OSBPL9: variants seen among roughly 807,000 people sequenced by gnomAD.
The protein encoded by OSBPL9 is oxysterol-binding protein-related protein 9.
In OSBPL9, 40 loss-of-function variants were observed where a neutral mutation model predicts 106.6. The observed-to-expected ratio is 0.38, with a 90% confidence interval of 0.29 to 0.49. The LOEUF (loss-of-function observed/expected upper bound fraction) is 0.49. Ranked by LOEUF, OSBPL9 falls within the 20% of genes least tolerant of loss-of-function variation. OSBPL9 has a pLI of 0.97. For synonymous variants in OSBPL9, 269 were observed against 295.4 expected, an observed-to-expected ratio of 0.91 and a Z score of 0.92; for missense variants, 609 against 887.2, an observed-to-expected ratio of 0.69 and a Z score of 3.98.
chr1:51,756,597 T>C, intron 9 of OSBPL9: 1 of 481,566 alleles, frequency 2.1e-6, no homozygotes. Flanking sequence ...ATGTATTAAC[T>C]TGAAGGGTTA....
chr1:51,705,558 G>A (rs1204191100), intron 3 of OSBPL9, among the ~76,000 whole-genome samples: 1 of 150,858 alleles, frequency 6.6e-6, no homozygotes, highest in East Asian at 1.9e-4. Context: ...TGGGATTACA[G>A]GCATATGCCA....
At chr1:51,589,815 C>T (rs1028571905) in intron 1 of OSBPL9, among the ~76,000 whole-genome samples, 2 of 151,052 alleles carry the variant, frequency 1.3e-5, no homozygotes, top group East Asian at 2.0e-4. Context: ...AGGTGGATCG[C>T]GAGGTCAGGC....
rs901604932 is a variant in OSBPL9, at chr1:51,599,100, C to T, written c.-353+907C>T. The stretch of plus-strand genomic sequence containing the variant: ...TGGTGCTGCATGACTGTAGTCCTAG[C>T]TGCTCAAGAGGATGAGGTTGGAAGA... On this transcript the variant is annotated intron_variant, in intron 2 of 25. Coordinates refer to the OSBPL9 transcript ENST00000371714. 2.7e-4 allele frequency among the ~76,000 whole-genome samples: 41 copies of T among 152,176 alleles called. 1 individual carries two copies. The highest frequency in any genetic ancestry group is 9.2e-4 in the African/African-American group (38 of 41,502).
chr1:51,550,407 AGTT>A, the OSBPL9 span, among the ~76,000 whole-genome samples: 12 of 152,282 alleles, frequency 7.9e-5, no homozygotes, highest in Non-Finnish European at 1.8e-4. Flanking sequence ...GGGGAAATCT[AGTT>A]GTTAAGTGCT....
In OSBPL9 at chr1:51,642,238, C is replaced by T. The variant is rs191052493; in HGVS notation, c.112-9753C>T. ...ATGGCTAGCTGTACTTACGTGTCTCCGTCCTATCATTTATTCAATATTTTT... is the reference window on the plus strand; with the variant it reads ...ATGGCTAGCTGTACTTACGTGTCTCTGTCCTATCATTTATTCAATATTTTT... On this transcript the variant is annotated intron_variant, in intron 1 of 23. Coordinates refer to ENST00000428468, the MANE Select transcript of OSBPL9 (RefSeq NM_024586.6). 3.9e-5 allele frequency among the ~76,000 whole-genome samples: 6 copies of T among 152,284 alleles called. No homozygotes were observed. The East Asian group carries it at 5.8e-4, about 15-fold the overall frequency.
At chr1:51,647,999 C>T (rs753633696) in intron 1 of OSBPL9, among the ~76,000 whole-genome samples, 14 of 152,168 alleles carry the variant, frequency 9.2e-5, no homozygotes, top group Admixed American at 3.9e-4. Flanking sequence ...GCTGAAAAGA[C>T]AGTAGCATTC....
the OSBPL9 span, among the ~76,000 whole-genome samples, chr1:51,547,465 A>G: frequency 1.3e-5 from 2 of 152,226 alleles, no homozygotes; most frequent in African/African-American, 4.8e-5. Flanking sequence ...ACTTTTTATA[A>G]GAACAGATAC....
the OSBPL9 span, among the ~76,000 whole-genome samples, chr1:51,539,750 C>G: frequency 2.0e-5 from 3 of 152,156 alleles, no homozygotes; most frequent in Non-Finnish European, 4.4e-5. Flanking sequence ...AATGGTAGAA[C>G]TTAGGTTTGA....
At chr1:51,626,198 AT>A (rs1046187998) in intron 1 of OSBPL9, among the ~76,000 whole-genome samples, 6 of 152,156 alleles carry the variant, frequency 3.9e-5, no homozygotes, top group African/African-American at 1.4e-4. Flanking sequence ...ACAATAGTCC[AT>A]TTGGTGGGAA....
Position 51,729,652 on chromosome 1 carries a change from CCT to C in OSBPL9, c.318+15577_318+15578del, listed in dbSNP as rs1663855752. Reference sequence around the variant, plus strand: ...TCCCGCGAGCTGCCAGCTCCCTCGGCCTCTCCACCCAAAACTGGCCCAACCGC... The same window carrying C: ...TCCCGCGAGCTGCCAGCTCCCTCGGCCTCCACCCAAAACTGGCCCAACCGC... On this transcript the variant is annotated intron_variant, in intron 4 of 23. Transcript: ENST00000428468. The surrounding 1 kb of genome is among the most constrained non-coding windows in gnomAD (Gnocchi z 5.1). The C allele has an allele frequency of 3.0e-6, 1 of 331,896 alleles. No individual in the cohort carries two copies. Among genetic ancestry groups the C allele is most frequent in the African/African-American group, 2.1e-5 (1 of 46,710 alleles). 20.6% of individuals were successfully genotyped at this position (331,896 alleles called of 1,614,324 possible).
intron 3 of OSBPL9, among the ~76,000 whole-genome samples, chr1:51,701,191 C>T (rs371938839): frequency 2.6e-5 from 4 of 152,168 alleles, no homozygotes; most frequent in African/African-American, 4.8e-5. Context: ...CCACCCGCCT[C>T]GGCCACCCAA....
chr1:51,663,535 ATG>A (rs1278035081), intron 2 of OSBPL9, among the ~76,000 whole-genome samples: 1 of 152,210 alleles, frequency 6.6e-6, no homozygotes, highest in Non-Finnish European at 1.5e-5. Flanking sequence ...TGATATCCAA[ATG>A]TAAAGCCTTC....
At chr1:51,701,725 C>A (rs980927541) in intron 3 of OSBPL9, among the ~76,000 whole-genome samples, 11 of 151,758 alleles carry the variant, frequency 7.2e-5, no homozygotes, top group Admixed American at 4.6e-4. Flanking sequence ...TATACATGTG[C>A]CATGTTGGTG....
chr1:51,768,675 G>A (rs979574064), intron 12 of OSBPL9, among the ~76,000 whole-genome samples: 1 of 152,160 alleles, frequency 6.6e-6, no homozygotes, highest in South Asian at 2.1e-4. Flanking sequence ...ACACTCTCTG[G>A]CTCCGTTTTG....
At chr1:51,520,646 C>A in the OSBPL9 span, among the ~76,000 whole-genome samples, 1 of 152,180 alleles carries the variant, frequency 6.6e-6, no homozygotes, top group Non-Finnish European at 1.5e-5. Context: ...CTCTATCAGG[C>A]CTACACCCAT....
intron 4 of OSBPL9, among the ~76,000 whole-genome samples, chr1:51,742,473 T>G (rs1667132267): frequency 1.3e-5 from 2 of 152,088 alleles, no homozygotes; most frequent in African/African-American, 4.8e-5. Context: ...TCAGCACTTT[T>G]GGGGACACTG....
chr1:51,682,963 G>A (rs917146017), intron 3 of OSBPL9, among the ~76,000 whole-genome samples: 3 of 150,588 alleles, frequency 2.0e-5, no homozygotes, highest in Non-Finnish European at 4.4e-5. Flanking sequence ...TGCAGCCTCC[G>A]CCTCCCAGGT....
intron 2 of OSBPL9, among the ~76,000 whole-genome samples, chr1:51,659,453 A>T (rs1167936245): frequency 6.6e-6 from 1 of 152,072 alleles, no homozygotes; most frequent in African/African-American, 2.4e-5. Context: ...TACAAGACAG[A>T]TTGAGAATTA....
the OSBPL9 span, among the ~76,000 whole-genome samples, chr1:51,569,389 C>G: frequency 9.9e-5 from 15 of 152,104 alleles, no homozygotes; most frequent in Non-Finnish European, 1.6e-4. Context: ...TTTAGAGTTG[C>G]TTTTTTCAGG....
Sources: gnomAD v4.1 joint callset for allele counts (sites outside exome capture counted in the v4.1 genomes callset) on GRCh38, gnomAD v4.1.1 for gene constraint, Gnocchi (gnomAD v3.1) non-coding constraint, MANE v1.5 for transcripts, NCBI Gene and HGNC (gene_info 2026-07-23, HGNC 2026-07-21) for gene names.